SDK1: variants seen among roughly 807,000 people sequenced by gnomAD.
SDK1 encodes the protein protein sidekick-1.
Under a neutral mutation model 245.5 loss-of-function variants are expected in SDK1, and 157 were observed. The ratio of observed to expected loss-of-function variants is 0.64; its 90% CI spans 0.56 to 0.73. The LOEUF (loss-of-function observed/expected upper bound fraction) is 0.73, where lower values mean the gene tolerates loss of function less well. Ranked by LOEUF, SDK1 falls within the 30% of genes least tolerant of loss-of-function variation. The pLI, the probability that SDK1 is intolerant of heterozygous loss-of-function variation, is 0.00. For synonymous variants in SDK1, 1,647 were observed against 1,278.5 expected, an observed-to-expected ratio of 1.29 and a Z score of -6.15; for missense variants, 3,583 against 3,002.3, an observed-to-expected ratio of 1.19 and a Z score of -4.52.
intron 2 of SDK1, among the ~76,000 whole-genome samples, chr7:3,626,984 G>A (rs1022094922): frequency 4.6e-5 from 7 of 151,786 alleles, no homozygotes; most frequent in African/African-American, 1.5e-4. Context: ...CTGGAGTACA[G>A]TGGCACAGTC....
At chr7:4,084,107 TA>T (rs966099767) in intron 22 of SDK1, among the ~76,000 whole-genome samples, 4 of 152,236 alleles carry the variant, frequency 2.6e-5, no homozygotes, top group Non-Finnish European at 5.9e-5. Context: ...GTTGGAACTC[TA>T]AAAAGAAGCA....
chr7:3,767,747 T>C (rs909019264), intron 4 of SDK1, among the ~76,000 whole-genome samples: 1 of 152,162 alleles, frequency 6.6e-6, no homozygotes, highest in Admixed American at 6.5e-5. Flanking sequence ...GTCTGTGTTC[T>C]TAATTATCTA....
At chr7:4,157,269 GAAGA>G (rs900472017) in intron 30 of SDK1, among the ~76,000 whole-genome samples, 22 of 151,608 alleles carry the variant, frequency 1.5e-4, no homozygotes, top group African/African-American at 4.4e-4. Flanking sequence ...AGGAAGGAAG[GAAGA>G]ATGAAGGAGG....
intron 1 of SDK1, among the ~76,000 whole-genome samples, chr7:3,525,446 A>C (rs1460926496): frequency 6.6e-6 from 1 of 152,094 alleles, no homozygotes; most frequent in African/African-American, 2.4e-5. Context: ...TTGATGGCAT[A>C]GTACATTTAC....
chr7:3,690,252 C>T (rs966240712), intron 4 of SDK1, among the ~76,000 whole-genome samples: 5 of 152,244 alleles, frequency 3.3e-5, no homozygotes, highest in African/African-American at 1.2e-4. Flanking sequence ...TGACGATTAG[C>T]ACAAATCCAG....
At chr7:3,326,431 A>G (rs1164324145) in intron 1 of SDK1, among the ~76,000 whole-genome samples, 1 of 152,184 alleles carries the variant, frequency 6.6e-6, no homozygotes, top group East Asian at 1.9e-4. Context: ...CTCTGATATC[A>G]CTAGACATTG....
At chr7:3,377,454 C>T (rs757336413) in intron 1 of SDK1, among the ~76,000 whole-genome samples, 10 of 152,134 alleles carry the variant, frequency 6.6e-5, no homozygotes, top group African/African-American at 1.2e-4. Context: ...CAAGCTTCCC[C>T]GTGGGGTGCT....
intron 1 of SDK1, among the ~76,000 whole-genome samples, chr7:3,585,368 T>C (rs974563472): frequency 5.9e-5 from 9 of 152,068 alleles, no homozygotes; most frequent in Non-Finnish European, 1.3e-4. Flanking sequence ...GCTAGAGTAA[T>C]GGATTTAAGA....
intron 5 of SDK1, among the ~76,000 whole-genome samples, chr7:3,905,801 A>G (rs1263766497): frequency 2.0e-5 from 3 of 152,052 alleles, no homozygotes; most frequent in East Asian, 3.9e-4. Context: ...TAAAAAAAAA[A>G]ATGTGGAGAT....
rs377472881 is a variant in SDK1, at chr7:3,507,255, A to G, written c.299-111825A>G. On this transcript the variant is annotated intron_variant, in intron 1 of 44. Transcript: ENST00000404826. Reference sequence around the variant, plus strand: ...TTTTTGTGTTGTCTCTTGAAATCTCACCCTACACATGTGCAGCGTAGTATT... The same window carrying G: ...TTTTTGTGTTGTCTCTTGAAATCTCGCCCTACACATGTGCAGCGTAGTATT... Among the ~76,000 whole-genome samples, 14 of 151,946 alleles carry G rather than the reference A, an allele frequency of 9.2e-5. No individual in the cohort carries two copies. In the East Asian group the frequency reaches 2.1e-3, roughly 23 times the overall value.
chr7:4,179,534 T>C (rs17244104), intron 35 of SDK1, among the ~76,000 whole-genome samples: 2,799 of 152,192 alleles, frequency 0.018, 42 homozygotes, highest in South Asian at 0.081. Context: ...TTTTCCGGAA[T>C]GGTCAAGCGG....
At position 4,194,428 on chromosome 7, in the gene SDK1, A is replaced by G. The variant is rs1022170930; in HGVS notation, c.5099-11451A>G. ...TATGCACATATGTGTATACATGTAT[A>G]CGTATATACATATATGTATACATGT... On this transcript the variant is annotated intron_variant, in intron 35 of 44. Coordinates refer to ENST00000404826, the MANE Select transcript of SDK1 (RefSeq NM_152744.4). Among the ~76,000 whole-genome samples, 6 of 103,910 alleles carry G rather than the reference A, an allele frequency of 5.8e-5. No individual in the cohort carries two copies. The East Asian group carries it at 8.6e-4, about 15-fold the overall frequency. 68.2% of individuals were successfully genotyped at this position (103,910 alleles called of 152,430 possible).
chr7:3,550,713 A>G (rs999818538), intron 1 of SDK1, among the ~76,000 whole-genome samples: 3 of 152,222 alleles, frequency 2.0e-5, no homozygotes, highest in Non-Finnish European at 4.4e-5. Context: ...AAAAATTGAA[A>G]TGCTTTATAT....
intron 32 of SDK1, among the ~76,000 whole-genome samples, chr7:4,162,682 G>A (rs577829059): frequency 6.6e-6 from 1 of 152,206 alleles, no homozygotes; most frequent in African/African-American, 2.4e-5. Context: ...TTACAGACAT[G>A]AGCCACTGTG....
intron 1 of SDK1, among the ~76,000 whole-genome samples, chr7:3,464,137 G>T (rs780218980): frequency 1.3e-5 from 2 of 152,122 alleles, no homozygotes; most frequent in African/African-American, 4.8e-5. Context: ...TTACACTGAC[G>T]CATCGTTCCC....
At chr7:4,170,026 C>T (rs1401385993) in intron 32 of SDK1, among the ~76,000 whole-genome samples, 9 of 152,356 alleles carry the variant, frequency 5.9e-5, no homozygotes, top group Admixed American at 2.0e-4. Flanking sequence ...AATTGCCTCT[C>T]TTCAGTCTCA....
At chr7:4,042,001 G>A (rs949324575) in intron 17 of SDK1, among the ~76,000 whole-genome samples, 1 of 135,112 alleles carries the variant, frequency 7.4e-6, no homozygotes, top group Non-Finnish European at 1.5e-5. Context: ...TTTAGTAGAG[G>A]TGGGGTTTCA....
chr7:3,566,198 G>A (rs982903279), intron 1 of SDK1, among the ~76,000 whole-genome samples: 3 of 143,646 alleles, frequency 2.1e-5, no homozygotes, highest in African/African-American at 7.7e-5. Flanking sequence ...TTTATTGTAT[G>A]TTTTTGGGAA....
chr7:4,030,648 C>G (rs1041719065), intron 17 of SDK1, among the ~76,000 whole-genome samples: 2 of 152,178 alleles, frequency 1.3e-5, no homozygotes, highest in East Asian at 3.9e-4. Context: ...AAGAAGCGTT[C>G]GGCACCAACA....
Sources: allele counts gnomAD v4.1 joint callset (sites outside exome capture counted in the v4.1 genomes callset), GRCh38; gene constraint gnomAD v4.1.1; transcripts MANE v1.5; gene names NCBI Gene and HGNC (gene_info 2026-07-23, HGNC 2026-07-21).